FOXP1: variants seen among roughly 807,000 people sequenced by gnomAD.
FOXP1 encodes forkhead box P1.
A neutral mutation model predicts 98.2 loss-of-function variants in FOXP1; 15 were observed. The ratio of observed to expected loss-of-function variants is 0.15; its 90% CI spans 0.10 to 0.24. The LOEUF is 0.24. FOXP1 is among the 10% of genes least tolerant of loss of function. FOXP1 has a pLI of 1.00. For missense variants in FOXP1, 633 were observed against 848.5 expected (o/e 0.75, Z 3.15); for synonymous variants, 371 against 314.5 (o/e 1.18, Z -1.90).
intron 2 of FOXP1, among the ~76,000 whole-genome samples, chr3:71,493,772 T>A (rs1052602624): frequency 6.6e-6 from 1 of 152,214 alleles, no homozygotes; most frequent in Admixed American, 6.5e-5. Flanking sequence ...ACGTACACTG[T>A]AAAGTTGTTA....
intron 3 of FOXP1, among the ~76,000 whole-genome samples, chr3:71,434,253 G>A (rs1437609952): frequency 2.0e-5 from 3 of 152,074 alleles, no homozygotes; most frequent in African/African-American, 7.2e-5. Context: ...AAATAATGAC[G>A]TTAGGCACTG....
intron 5 of FOXP1, among the ~76,000 whole-genome samples, chr3:71,255,310 A>G (rs951848351): frequency 1.3e-5 from 2 of 152,214 alleles, no homozygotes; most frequent in African/African-American, 4.8e-5. Flanking sequence ...CATGTGCAAC[A>G]TAGAAGTAAA....
chr3:71,037,963 A>T (rs1473035332), intron 11 of FOXP1, among the ~76,000 whole-genome samples: 2 of 152,202 alleles, frequency 1.3e-5, no homozygotes, highest in Non-Finnish European at 2.9e-5. Flanking sequence ...ACCCTGAATG[A>T]TTTAATTATA....
At chr3:71,376,278 T>C (rs779037972) in intron 3 of FOXP1, among the ~76,000 whole-genome samples, 1 of 152,086 alleles carries the variant, frequency 6.6e-6, no homozygotes, top group Non-Finnish European at 1.5e-5. Context: ...AGCTACATGA[T>C]GTGGCTGAGT....
At chr3:71,418,486 G>T (rs931455892) in intron 3 of FOXP1, among the ~76,000 whole-genome samples, 1 of 152,164 alleles carries the variant, frequency 6.6e-6, no homozygotes, top group African/African-American at 2.4e-5. Flanking sequence ...AATGGCAAGG[G>T]TAGAAAACAA....
intron 3 of FOXP1, among the ~76,000 whole-genome samples, chr3:71,388,039 A>G (rs1455843034): frequency 6.6e-6 from 1 of 152,210 alleles, no homozygotes; most frequent in Non-Finnish European, 1.5e-5. Context: ...GATGAAAAGT[A>G]AAAATTCTCT....
chr3:71,287,034 T>C (rs2072220651), intron 5 of FOXP1, among the ~76,000 whole-genome samples: 1 of 152,114 alleles, frequency 6.6e-6, no homozygotes, highest in Admixed American at 6.6e-5. Flanking sequence ...GTGGTAGTAA[T>C]GAACGTAGCT....
intron 6 of FOXP1, among the ~76,000 whole-genome samples, chr3:71,114,269 T>C (rs893898176): frequency 2.6e-5 from 4 of 151,926 alleles, no homozygotes; most frequent in South Asian, 2.1e-4. Context: ...ACAGGGACAA[T>C]AGTGGAATGG....
chr3:71,382,019 T>G (rs1286356948), intron 3 of FOXP1, among the ~76,000 whole-genome samples: 1 of 152,144 alleles, frequency 6.6e-6, no homozygotes, highest in Admixed American at 6.5e-5. Context: ...CGCCTGTAAA[T>G]GCAATACTTC....
At chr3:71,513,456 G>A (rs985371305) in intron 2 of FOXP1, among the ~76,000 whole-genome samples, 1 of 151,986 alleles carries the variant, frequency 6.6e-6, no homozygotes, top group Non-Finnish European at 1.5e-5. Flanking sequence ...CAACTTCCTG[G>A]TCACAGCCAC....
rs137901359 is a variant in FOXP1 at position 71,526,666 on chromosome 3, T to C, written c.-297-33111A>G. Among the ~76,000 whole-genome samples the C allele has an allele frequency of 7.6e-4, 115 of 152,212 alleles. 1 individual carries two copies. The highest frequency in any genetic ancestry group is 2.6e-3 in the African/African-American group (108 of 41,514). ...CAGCCATCCCACCCATGCATTTGTG[T>C]GAACTAGAAAAACATTCCCAGCCAG... On this transcript the variant is annotated intron_variant, in intron 2 of 20. Transcript: ENST00000649528.
chr3:71,050,694 T>C (rs1343765780), intron 9 of FOXP1, among the ~76,000 whole-genome samples: 1 of 152,242 alleles, frequency 6.6e-6, no homozygotes, highest in African/African-American at 2.4e-5. Flanking sequence ...TTACCAATTC[T>C]GTTGATCAAT....
At chr3:71,298,985 C>A (rs1414758746) in intron 5 of FOXP1, among the ~76,000 whole-genome samples, 1 of 152,032 alleles carries the variant, frequency 6.6e-6, no homozygotes, top group Non-Finnish European at 1.5e-5. Flanking sequence ...CTATTAAAGG[C>A]CAAAAATTCT....
At chr3:71,015,986 A>C (rs942007679) in intron 11 of FOXP1, among the ~76,000 whole-genome samples, 4 of 152,174 alleles carry the variant, frequency 2.6e-5, no homozygotes, top group Non-Finnish European at 4.4e-5. Context: ...ACATAATGAA[A>C]ATTATAAAAT....
At chr3:70,998,841 T>A (rs763729637) in intron 13 of FOXP1, among the ~76,000 whole-genome samples, 1 of 152,256 alleles carries the variant, frequency 6.6e-6, no homozygotes, top group Non-Finnish European at 1.5e-5. Context: ...TTCCTTCTCC[T>A]GACCTCTTTT....
intron 5 of FOXP1, among the ~76,000 whole-genome samples, chr3:71,228,757 C>T (rs908752947): frequency 1.3e-5 from 2 of 152,162 alleles, no homozygotes; most frequent in African/African-American, 4.8e-5. Flanking sequence ...ATTCTCAACA[C>T]CCGAGATTTA....
At chr3:71,416,561 C>CAT (rs2083232919) in intron 3 of FOXP1, among the ~76,000 whole-genome samples, 1 of 127,940 alleles carries the variant, frequency 7.8e-6, no homozygotes, top group East Asian at 2.0e-4. Flanking sequence ...CACACACACA[C>CAT]ACACACACAC....
chr3:71,172,381 A>G (rs561282066), intron 6 of FOXP1, among the ~76,000 whole-genome samples: 26 of 152,304 alleles, frequency 1.7e-4, no homozygotes, highest in African/African-American at 6.0e-4. Flanking sequence ...GAGGGAATCC[A>G]TCGGGTTTCA....
chr3:71,511,146 T>C (rs1421130678), intron 2 of FOXP1, among the ~76,000 whole-genome samples: 1 of 152,188 alleles, frequency 6.6e-6, no homozygotes, highest in East Asian at 1.9e-4. Context: ...AGTCCTTTTG[T>C]ATGATGCAAT....
Sources: allele counts gnomAD v4.1 joint callset (sites outside exome capture counted in the v4.1 genomes callset), GRCh38; gene constraint gnomAD v4.1.1; transcripts MANE v1.5; gene names NCBI Gene and HGNC (gene_info 2026-07-23, HGNC 2026-07-21).